The following LUC7L2 variants were observed in gnomAD, a reference collection of about 807,000 sequenced individuals.
The protein encoded by LUC7L2 is LUC7 like 2, pre-mRNA splicing factor.
LUC7L2 carries 25 observed loss-of-function variants against 52.8 expected under a neutral mutation model. The ratio of observed to expected loss-of-function variants is 0.47; its 90% CI spans 0.34 to 0.66. The LOEUF is 0.66. LUC7L2 is among the 30% of genes least tolerant of loss of function. The pLI, the probability that LUC7L2 is intolerant of heterozygous loss-of-function variation, is 0.01. For synonymous variants in LUC7L2, 144 were observed against 160.9 expected (o/e 0.89, Z 0.80); for missense variants, 328 against 497.8 (o/e 0.66, Z 3.25).
At chr7:139,357,481 G>A (rs1414627854), upstream of LUC7L2, among the ~76,000 whole-genome samples, 1 of 152,062 alleles carries the variant, frequency 6.6e-6, no homozygotes, top group Non-Finnish European at 1.5e-5. Context: ...ATTGGTTTTA[G>A]TGTATTTCTT....
intron 1 of LUC7L2, chr7:139,374,292 T>C (rs1458407244): frequency 6.2e-6 from 5 of 808,636 alleles, no homozygotes; most frequent in Non-Finnish European, 9.9e-6. Flanking sequence ...TGTTTTTATA[T>C]AAAAGAATCT....
chr7:139,341,291 C>G (rs1206564674), intron 1 of LUC7L2: 1 of 1,512,118 alleles, frequency 6.6e-7, no homozygotes, highest in Non-Finnish European at 8.9e-7. Flanking sequence ...AGTCGGTAGT[C>G]TGTCCGACCG....
chr7:139,410,512 A>G (rs750611656), intron 7 of LUC7L2, among the ~76,000 whole-genome samples: 3 of 151,626 alleles, frequency 2.0e-5, no homozygotes, highest in Non-Finnish European at 4.4e-5. Flanking sequence ...ATGTCTAAAC[A>G]TTCTTCTGAG....
chr7:139,364,286 G>A (rs1368726799), intron 1 of LUC7L2, among the ~76,000 whole-genome samples: 1 of 152,062 alleles, frequency 6.6e-6, no homozygotes, highest in Non-Finnish European at 1.5e-5. Context: ...ATAGAAGGTA[G>A]TTCTGAGGGT....
intron 1 of LUC7L2, among the ~76,000 whole-genome samples, chr7:139,362,208 A>G (rs1309690192): frequency 6.6e-6 from 1 of 152,030 alleles, no homozygotes; most frequent in African/African-American, 2.4e-5. Flanking sequence ...TCACTGCTGT[A>G]TTGGGTTAGA....
At chr7:139,410,063 T>C (rs1019215305) in intron 7 of LUC7L2, among the ~76,000 whole-genome samples, 2 of 151,984 alleles carry the variant, frequency 1.3e-5, no homozygotes, top group Non-Finnish European at 2.9e-5. Context: ...AAAAATTAGC[T>C]GGGCGAGGTG....
At chr7:139,379,370 C>CCT (rs577318418) in intron 2 of LUC7L2, among the ~76,000 whole-genome samples, 1 of 144,508 alleles carries the variant, frequency 6.9e-6, no homozygotes, top group Non-Finnish European at 1.5e-5. Flanking sequence ...CATTTCCTGC[C>CCT]TTTTTTTTTT....
chr7:139,405,104 A>G (rs1318486646), intron 4 of LUC7L2, among the ~76,000 whole-genome samples: 1 of 152,252 alleles, frequency 6.6e-6, no homozygotes, highest in Non-Finnish European at 1.5e-5. Flanking sequence ...GAGTATGGCC[A>G]TCTTTGCTGA....
chr7:139,422,280 T>C lies in LUC7L2; in HGVS notation c.1119T>C (p.Ser373=), dbSNP rs746454204. 1 of 1,614,050 alleles carries C rather than the reference T, an allele frequency of 6.2e-7. No homozygotes were observed. Among genetic ancestry groups the C allele is most frequent in the South Asian group, 1.1e-5 (1 of 91,058 alleles). Residue 373 remains serine (S), a synonymous_variant, in exon 10 of 10, where the codon AGT becomes AGC. Coordinates refer to ENST00000354926, the MANE Select transcript of LUC7L2 (RefSeq NM_016019.5). ...DRKDKKRSYE[S]ANGRSEDRRS... ...AAGATAAGAAGCGGTCCTATGAGAG[T>C]GCTAATGGCAGATCAGAAGACAGGA...
At chr7:139,340,724 C>T (rs1798897987) in intron 1 of LUC7L2, 7 of 385,660 alleles carry the variant, frequency 1.8e-5, no homozygotes, top group Non-Finnish European at 2.7e-5. Flanking sequence ...ATGGATAAGG[C>T]ATTGGCCTCC....
chr7:139,406,214 G>A (rs1795106791), intron 5 of LUC7L2, among the ~76,000 whole-genome samples: 1 of 152,016 alleles, frequency 6.6e-6, no homozygotes, highest in Non-Finnish European at 1.5e-5. Context: ...ACCACACCTG[G>A]CTAATATTTA....
At chr7:139,384,859 G>A (rs928864433) in intron 2 of LUC7L2, among the ~76,000 whole-genome samples, 1 of 152,080 alleles carries the variant, frequency 6.6e-6, no homozygotes, top group Non-Finnish European at 1.5e-5. Flanking sequence ...GGGCTCAGTT[G>A]ATCCTTCCAA....
intron 2 of LUC7L2, among the ~76,000 whole-genome samples, chr7:139,380,385 G>A (rs1487692517): frequency 1.3e-5 from 2 of 151,994 alleles, no homozygotes; most frequent in African/African-American, 4.8e-5. Context: ...ATCATCCAAG[G>A]TCAGGAGTTC....
chr7:139,407,429 G>T, intron 6 of LUC7L2, 79 bp downstream of exon 6: 1 of 1,460,368 alleles, frequency 6.8e-7, no homozygotes, highest in Non-Finnish European at 9.1e-7. Flanking sequence ...CAATATTCTT[G>T]ACTATGATTC....
At chr7:139,405,534 A>G (rs1284243117) in intron 4 of LUC7L2, 110 bp from the exon 5 acceptor site, 1 of 1,339,508 alleles carries the variant, frequency 7.5e-7, no homozygotes, top group Middle Eastern at 2.4e-4. Context: ...GCATTCTTTA[A>G]CCACATACTG....
chr7:139,360,453 C>T (rs1007069471), intron 1 of LUC7L2, 131 bp downstream of exon 1: 2 of 739,496 alleles, frequency 2.7e-6, no homozygotes, highest in African/African-American at 1.8e-5. Flanking sequence ...ACGAGGTCCC[C>T]GTCCCCCGTC....
chr7:139,410,652 T>G (rs1585129150), intron 7 of LUC7L2, among the ~76,000 whole-genome samples: 1 of 152,196 alleles, frequency 6.6e-6, no homozygotes, highest in African/African-American at 2.4e-5. Flanking sequence ...GTAGTCCTAA[T>G]TTATAGTGTT....
In LUC7L2 at chr7:139,362,311, A is replaced by G. The variant is rs142893669; in HGVS notation, c.61+1989A>G. Among the ~76,000 whole-genome samples, 645 of 152,226 alleles carry G rather than the reference A, an allele frequency of 4.2e-3. 2 individuals carry two copies. The highest frequency in any genetic ancestry group is 7.6e-3 in the Non-Finnish European group (518 of 68,008). ...TCTATATATGCAAAATAATCAGAAC[A>G]TTCTTTTTTTTCTTACCATTTAATG... On this transcript the variant is annotated intron_variant, in intron 1 of 9. Coordinates refer to ENST00000354926, the MANE Select transcript of LUC7L2 (RefSeq NM_016019.5).
At chr7:139,418,982 A>G (rs1326471678) in intron 9 of LUC7L2, among the ~76,000 whole-genome samples, 2 of 152,106 alleles carry the variant, frequency 1.3e-5, no homozygotes, top group Non-Finnish European at 2.9e-5. Context: ...ATGGTGGCAC[A>G]TGCCTGTAAT....
Sources: gnomAD v4.1 joint callset for allele counts (sites outside exome capture counted in the v4.1 genomes callset) on GRCh38, gnomAD v4.1.1 for gene constraint, MANE v1.5 for transcripts, NCBI Gene and HGNC (gene_info 2026-07-23, HGNC 2026-07-21) for gene names.